The following CCSER1 variants were observed in gnomAD, a reference collection of about 807,000 sequenced individuals.
CCSER1 encodes the protein coiled-coil serine rich protein 1.
A neutral mutation model predicts 82.0 loss-of-function variants in CCSER1; 41 were observed. That is an observed-to-expected ratio of 0.50 (90% confidence interval 0.39 to 0.65). The LOEUF (loss-of-function observed/expected upper bound fraction) is 0.65, where lower values mean the gene tolerates loss of function less well. CCSER1 is among the 30% of genes least tolerant of loss of function. CCSER1 has a pLI of 0.00. For synonymous variants in CCSER1, 414 were observed against 383.9 expected (o/e 1.08, Z -0.92); for missense variants, 1,119 against 1,064.2 (o/e 1.05, Z -0.72).
intron 10 of CCSER1, among the ~76,000 whole-genome samples, chr4:91,376,137 A>G (rs1750394923): frequency 6.8e-6 from 1 of 146,390 alleles, no homozygotes. Flanking sequence ...ATTCCGATAA[A>G]TAAGTATAAG....
intron 8 of CCSER1, among the ~76,000 whole-genome samples, chr4:90,830,369 A>G (rs535663865): frequency 3.9e-5 from 6 of 152,188 alleles, no homozygotes; most frequent in Non-Finnish European, 8.8e-5. Context: ...ATCTAAGCAT[A>G]TGCAAATTAA....
intron 1 of CCSER1, among the ~76,000 whole-genome samples, chr4:90,293,068 T>C (rs968150351): frequency 5.9e-5 from 9 of 151,848 alleles, no homozygotes; most frequent in African/African-American, 2.2e-4. Flanking sequence ...TTTAATACAA[T>C]AAAAAATAAA....
chr4:90,284,322 T>G (rs956876106), intron 1 of CCSER1, among the ~76,000 whole-genome samples: 2 of 152,098 alleles, frequency 1.3e-5, no homozygotes, highest in Middle Eastern at 3.2e-3. Flanking sequence ...AAGCAAGCTT[T>G]TTTAGTTGAC....
intron 1 of CCSER1, among the ~76,000 whole-genome samples, chr4:90,198,723 C>T (rs916396376): frequency 6.6e-6 from 1 of 151,974 alleles, no homozygotes; most frequent in Non-Finnish European, 1.5e-5. Context: ...TGTAAGAGAC[C>T]TTTCGATGAT....
chr4:91,604,274 C>T lies in CCSER1; in HGVS notation c.*5217C>T, dbSNP rs572357030. The T allele has an allele frequency of 2.8e-4, 43 of 152,218 alleles. No homozygotes were observed. Among genetic ancestry groups the T allele is most frequent in the African/African-American group, 9.6e-4 (40 of 41,564 alleles). The allele number at this position is 152,218 out of a possible 1,614,324, so 9.4% of individuals were successfully genotyped here. The stretch of plus-strand genomic sequence containing the variant: ...AAGGAGGCAGAGTGATTTAAACAAA[C>T]ATGTGCTGCTTCAATCTCCTTTACT... On this transcript the variant is annotated 3_prime_UTR_variant, in exon 11 of 11. Transcript: ENST00000509176.
At position 91,078,999 on chromosome 4, in the gene CCSER1, A is replaced by T. The variant is rs560482035; in HGVS notation, c.2173-6951A>T. Reference sequence around the variant, plus strand: ...GGAGAATGGAACCAAGTTGGAAAACACTCTTCAGGATATCATCCAGGAGAA... The same window carrying T: ...GGAGAATGGAACCAAGTTGGAAAACTCTCTTCAGGATATCATCCAGGAGAA... On this transcript the variant is annotated intron_variant, in intron 9 of 10. Coordinates refer to ENST00000509176, the MANE Select transcript of CCSER1 (RefSeq NM_001145065.2). 1.4e-4 allele frequency among the ~76,000 whole-genome samples: 22 copies of T among 152,304 alleles called. No homozygotes were observed. The South Asian group carries it at 2.3e-3, about 16-fold the overall frequency.
intron 5 of CCSER1, among the ~76,000 whole-genome samples, chr4:90,585,988 A>G (rs1781964173): frequency 6.6e-6 from 1 of 152,206 alleles, no homozygotes; most frequent in Non-Finnish European, 1.5e-5. Flanking sequence ...TTCATTAATA[A>G]TGATGTCTAC....
intron 8 of CCSER1, among the ~76,000 whole-genome samples, chr4:90,827,793 A>G (rs981425546): frequency 1.3e-5 from 2 of 152,148 alleles, no homozygotes; most frequent in African/African-American, 2.4e-5. Flanking sequence ...TAATCTGACA[A>G]CGGGCAGATT....
intron 8 of CCSER1, among the ~76,000 whole-genome samples, chr4:90,914,229 A>T (rs1456099084): frequency 6.6e-6 from 1 of 152,176 alleles, no homozygotes; most frequent in African/African-American, 2.4e-5. Flanking sequence ...TCCAAAATTG[A>T]CCACATAGTT....
intron 1 of CCSER1, among the ~76,000 whole-genome samples, chr4:90,193,686 G>C (rs1736062089): frequency 6.6e-6 from 1 of 151,534 alleles, no homozygotes; most frequent in African/African-American, 2.4e-5. Flanking sequence ...TTCCACCTAA[G>C]CTAGCGGTCC....
intron 10 of CCSER1, among the ~76,000 whole-genome samples, chr4:91,376,751 G>A (rs1380902439): frequency 3.3e-5 from 5 of 151,872 alleles, no homozygotes; most frequent in Middle Eastern, 6.8e-3. Flanking sequence ...CAAAGTAAAC[G>A]TTTAGGGTAG....
intron 5 of CCSER1, among the ~76,000 whole-genome samples, chr4:90,481,212 A>G (rs897689288): frequency 6.6e-6 from 1 of 152,180 alleles, no homozygotes; most frequent in Admixed American, 6.5e-5. Flanking sequence ...ATTTTTGCAC[A>G]TTGATTTTGT....
At chr4:90,838,559 CAA>C (rs372607862) in intron 8 of CCSER1, among the ~76,000 whole-genome samples, 1 of 146,460 alleles carries the variant, frequency 6.8e-6, no homozygotes. Context: ...ATCATTTGAA[CAA>C]AAAAAAAATG....
intron 9 of CCSER1, among the ~76,000 whole-genome samples, chr4:91,047,744 C>T (rs1053595960): frequency 3.3e-5 from 5 of 152,080 alleles, no homozygotes; most frequent in Admixed American, 6.6e-5. Flanking sequence ...CATTTTCAGA[C>T]GTAGCAGGTG....
At chr4:91,278,857 T>C (rs1742683062) in intron 10 of CCSER1, among the ~76,000 whole-genome samples, 4 of 152,128 alleles carry the variant, frequency 2.6e-5, no homozygotes, top group Admixed American at 2.0e-4. Flanking sequence ...ACTGTACCAC[T>C]GAGTTTCATA....
intron 3 of CCSER1, among the ~76,000 whole-genome samples, chr4:90,391,971 A>G (rs916741752): frequency 6.6e-6 from 1 of 152,076 alleles, no homozygotes; most frequent in African/African-American, 2.4e-5. Flanking sequence ...TTTATAAAGA[A>G]TATTTAAGTA....
Position 91,015,705 on chromosome 4 carries a change from TTC to T in CCSER1, c.2173-70243_2173-70242del, listed in dbSNP as rs565776979. ...ATTAGCAATTTGCTATATAAAATAT[TTC>T]TTTTACTCAGAAAAAAATATTAATC... is the stretch of plus-strand genomic sequence containing the variant. On this transcript the variant is annotated intron_variant, in intron 9 of 10. Transcript: ENST00000509176. Among the ~76,000 whole-genome samples, 556 of 152,042 alleles carry T rather than the reference TTC, an allele frequency of 3.7e-3. 4 individuals are homozygous for T. The highest frequency in any genetic ancestry group is 5.4e-3 in the Non-Finnish European group (364 of 67,852).
chr4:90,298,685 TA>T (rs1732493901), intron 1 of CCSER1, among the ~76,000 whole-genome samples: 1 of 152,108 alleles, frequency 6.6e-6, no homozygotes, highest in Non-Finnish European at 1.5e-5. Context: ...GAGATTCTGG[TA>T]TGTTGTGTCT....
At position 90,933,040 on chromosome 4, in the gene CCSER1, GAAAGAGAA is replaced by G. The variant is rs1176031006; in HGVS notation, c.2172+9594_2172+9601del. On this transcript the variant is annotated intron_variant, in intron 9 of 10. Coordinates refer to ENST00000509176, the MANE Select transcript of CCSER1 (RefSeq NM_001145065.2). ...AGAAAGAAAGAAAGAAAGAAAGAAA[GAAAGAGAA>G]GGAAGGAACGAAGGAAAGAAGAAAA... 6.1e-5 allele frequency among the ~76,000 whole-genome samples: 3 copies of G among 49,044 alleles called. 1 individual carries two copies. In the East Asian group the frequency reaches 1.1e-3, roughly 18 times the overall value. The allele number at this position is 49,044 out of a possible 152,430, so 32.2% of individuals were successfully genotyped here.
Sources: gnomAD v4.1 joint callset for allele counts (sites outside exome capture counted in the v4.1 genomes callset) on GRCh38, gnomAD v4.1.1 for gene constraint, MANE v1.5 for transcripts, NCBI Gene and HGNC (gene_info 2026-07-23, HGNC 2026-07-21) for gene names.